PRKCA: variants seen among roughly 807,000 people sequenced by gnomAD.
The protein encoded by PRKCA is protein kinase C alpha, also known as protein kinase C alpha type.
In PRKCA, 27 loss-of-function variants were observed where a neutral mutation model predicts 87.0. The ratio of observed to expected loss-of-function variants is 0.31; its 90% CI spans 0.23 to 0.43. The LOEUF is 0.43. PRKCA is among the 20% of genes least tolerant of loss of function. PRKCA has a pLI of 1.00. For synonymous variants in PRKCA, 329 were observed against 311.1 expected (o/e 1.06, Z -0.61); for missense variants, 518 against 852.3 (o/e 0.61, Z 4.88).
intron 2 of PRKCA, among the ~76,000 whole-genome samples, chr17:66,409,565 A>G (rs1304010212): frequency 1.3e-5 from 2 of 152,346 alleles, no homozygotes; most frequent in East Asian, 3.9e-4. Context: ...AAAATTCTGT[A>G]TTTGAAAATA....
chr17:66,550,876 CTG>C (rs989642053), intron 3 of PRKCA, among the ~76,000 whole-genome samples: 2 of 152,124 alleles, frequency 1.3e-5, no homozygotes, highest in African/African-American at 4.8e-5. Flanking sequence ...GAGTGGGGAG[CTG>C]TGTGTGTTTT....
At chr17:66,493,170 A>G (rs1260189940) in intron 2 of PRKCA, among the ~76,000 whole-genome samples, 1 of 152,192 alleles carries the variant, frequency 6.6e-6, no homozygotes, top group Non-Finnish European at 1.5e-5. Flanking sequence ...CAATCACATT[A>G]TATTATGATT....
chr17:66,349,090 G>A (rs1907578346), intron 2 of PRKCA, among the ~76,000 whole-genome samples: 1 of 152,186 alleles, frequency 6.6e-6, no homozygotes, highest in African/African-American at 2.4e-5. Flanking sequence ...GAGCAGCTGA[G>A]TGTTCATCTT....
At chr17:66,433,836 C>A (rs1913230356) in intron 2 of PRKCA, among the ~76,000 whole-genome samples, 1 of 152,198 alleles carries the variant, frequency 6.6e-6, no homozygotes, top group Non-Finnish European at 1.5e-5. Flanking sequence ...TGAGCCACTG[C>A]ACCCAGTCCA....
At chr17:66,706,587 G>A (rs930819705) in intron 8 of PRKCA, among the ~76,000 whole-genome samples, 23 of 150,806 alleles carry the variant, frequency 1.5e-4, no homozygotes, top group African/African-American at 4.6e-4. Context: ...GCAGTGAGCC[G>A]AGATCACGCC....
chr17:66,472,200 C>T (rs1915355612), intron 2 of PRKCA, among the ~76,000 whole-genome samples: 2 of 152,152 alleles, frequency 1.3e-5, no homozygotes, highest in African/African-American at 4.8e-5. Flanking sequence ...TTCAGCCTCC[C>T]AAAGTGCTGG....
chr17:66,548,103 A>G (rs1038973363), intron 3 of PRKCA, among the ~76,000 whole-genome samples: 3 of 152,252 alleles, frequency 2.0e-5, no homozygotes, highest in African/African-American at 7.2e-5. Flanking sequence ...TTGTGGGGCT[A>G]GAGCCTGAGG....
At chr17:66,726,137 A>G (rs1973741910) in intron 8 of PRKCA, among the ~76,000 whole-genome samples, 1 of 132,672 alleles carries the variant, frequency 7.5e-6, no homozygotes, top group Non-Finnish European at 1.7e-5. Flanking sequence ...CAGGACAGAA[A>G]GCTCAGGTGT....
At chr17:66,790,159 G>T (rs1025739793) in intron 16 of PRKCA, among the ~76,000 whole-genome samples, 1 of 152,246 alleles carries the variant, frequency 6.6e-6, no homozygotes, top group African/African-American at 2.4e-5. Flanking sequence ...TGCCAACTGG[G>T]TGGCACACAG....
intron 2 of PRKCA, among the ~76,000 whole-genome samples, chr17:66,474,217 G>A (rs1246585890): frequency 1.9e-5 from 2 of 106,172 alleles, no homozygotes; most frequent in African/African-American, 1.1e-4. Context: ...CACCCAGATG[G>A]GGAGGAACCC....
At chr17:66,708,248 A>T (rs1279292099) in intron 8 of PRKCA, among the ~76,000 whole-genome samples, 2 of 152,168 alleles carry the variant, frequency 1.3e-5, no homozygotes, top group African/African-American at 2.4e-5. Context: ...AACATTTGGC[A>T]CTAGTGCAGC....
At chr17:66,581,205 T>C (rs1969419799) in intron 3 of PRKCA, among the ~76,000 whole-genome samples, 1 of 152,184 alleles carries the variant, frequency 6.6e-6, no homozygotes, top group African/African-American at 2.4e-5. Context: ...AAGCAAACTT[T>C]CTCAGCCAAG....
rs1017247623 is a variant in PRKCA, at chr17:66,751,793, TA to T, written c.1524+9034del. ...CTTCCTTCCTCCCAGGAAGCATGGC[TA>T]GGGGGGGTCTCAGGAAACTTACAAT... On this transcript the variant is annotated intron_variant, in intron 13 of 16. Transcript: ENST00000413366. 1.5e-3 allele frequency among the ~76,000 whole-genome samples: 222 copies of T among 151,974 alleles called. 4 individuals are homozygous for T. The highest frequency in any genetic ancestry group is 5.8e-4 in the East Asian group (3 of 5,136).
At chr17:66,394,217 C>T (rs767662120) in intron 2 of PRKCA, among the ~76,000 whole-genome samples, 1 of 152,144 alleles carries the variant, frequency 6.6e-6, no homozygotes, top group African/African-American at 2.4e-5. Context: ...AAGCAGAGGC[C>T]CACAGAAGCT....
At chr17:66,529,815 CAGTCAA>C (rs1967479407) in intron 3 of PRKCA, among the ~76,000 whole-genome samples, 1 of 152,168 alleles carries the variant, frequency 6.6e-6, no homozygotes, top group Non-Finnish European at 1.5e-5. Flanking sequence ...GGCTAAATCA[CAGTCAA>C]AATTCTCTTC....
intron 2 of PRKCA, among the ~76,000 whole-genome samples, chr17:66,342,933 CTTAGTG>C (rs1276544558): frequency 6.6e-6 from 1 of 152,044 alleles, no homozygotes; most frequent in Non-Finnish European, 1.5e-5. Flanking sequence ...ATGGTTTTTG[CTTAGTG>C]TTAATGATAT....
rs532303842 is a variant in PRKCA, at chr17:66,803,586, C to T, written c.1855-287C>T. Among the ~76,000 whole-genome samples, 8 of 152,280 alleles carry T rather than the reference C, an allele frequency of 5.3e-5. No individual in the cohort carries two copies. The highest frequency in any genetic ancestry group is 1.9e-4 in the East Asian group (1 of 5,150). ...AGCTCCGCTTGCTCGGTGAGGTGGA[C>T]GTGAGGGGACAGGGGCTGTCCCCTT... On this transcript the variant is annotated intron_variant, in intron 16 of 16. Coordinates refer to ENST00000413366, the MANE Select transcript of PRKCA (RefSeq NM_002737.3). The surrounding 1 kb of genome is among the most constrained non-coding windows in gnomAD (Gnocchi z 4.4).
chr17:66,776,288 A>G (rs1193400600), intron 14 of PRKCA, among the ~76,000 whole-genome samples: 3 of 152,092 alleles, frequency 2.0e-5, no homozygotes, highest in Non-Finnish European at 4.4e-5. Flanking sequence ...GTAGAGTGAG[A>G]GCCTAAGACA....
intron 3 of PRKCA, among the ~76,000 whole-genome samples, chr17:66,637,931 G>A (rs1319240878): frequency 6.6e-6 from 1 of 152,100 alleles, no homozygotes; most frequent in Non-Finnish European, 1.5e-5. Context: ...AGCAGGGCTT[G>A]GCAAACTTTT....
Sources: gnomAD v4.1 joint callset for allele counts (sites outside exome capture counted in the v4.1 genomes callset) on GRCh38, gnomAD v4.1.1 for gene constraint, Gnocchi (gnomAD v3.1) non-coding constraint, MANE v1.5 for transcripts, NCBI Gene and HGNC (gene_info 2026-07-23, HGNC 2026-07-21) for gene names.